DAPK3: variants seen among roughly 807,000 people sequenced by gnomAD.
DAPK3 encodes the protein death associated protein kinase 3, also known as death-associated protein kinase 3.
Under a neutral mutation model 30.6 loss-of-function variants are expected in DAPK3, and 24 were observed. The ratio of observed to expected loss-of-function variants is 0.78; its 90% CI spans 0.57 to 1.10. The LOEUF (loss-of-function observed/expected upper bound fraction) is 1.10, where lower values mean the gene tolerates loss of function less well. Among genes scored for constraint, DAPK3 ranks in the 50% least tolerant of loss-of-function variants. DAPK3 has a pLI of 0.00. For synonymous variants in DAPK3, 341 were observed against 284.0 expected (o/e 1.20, Z -2.02); for missense variants, 629 against 657.3 (o/e 0.96, Z 0.47).
chr19:3,968,555 A>C (rs546372030), intron 2 of DAPK3, among the ~76,000 whole-genome samples: 1 of 152,298 alleles, frequency 6.6e-6, no homozygotes, highest in Non-Finnish European at 1.5e-5. Context: ...ATGTATGTAC[A>C]GTTTTCCAAT....
intron 1 of DAPK3, 156 bp from the exon 2 acceptor site, chr19:3,969,985 G>A (rs1316484511): frequency 3.8e-6 from 2 of 530,040 alleles, no homozygotes; most frequent in Admixed American, 3.5e-5. Flanking sequence ...ACTGGGCTGG[G>A]TCCTGTCATG....
intron 2 of DAPK3, among the ~76,000 whole-genome samples, chr19:3,967,031 T>A (rs545640493): frequency 6.6e-6 from 1 of 152,278 alleles, no homozygotes; most frequent in East Asian, 1.9e-4. Context: ...CAGCAAGCCC[T>A]CCTCAGTGAT....
intron 2 of DAPK3, among the ~76,000 whole-genome samples, chr19:3,966,331 C>CA (rs1431520794): frequency 6.6e-6 from 1 of 152,174 alleles, no homozygotes; most frequent in African/African-American, 2.4e-5. Context: ...CGCTCACTCT[C>CA]AGTCTGTGGG....
intron 6 of DAPK3, among the ~76,000 whole-genome samples, chr19:3,962,379 G>A (rs988291892): frequency 4.6e-5 from 7 of 152,214 alleles, no homozygotes; most frequent in Admixed American, 3.3e-4. Flanking sequence ...GCACTACAGC[G>A]GGCTGGGCCC....
chr19:3,968,702 C>T (rs2039604399), intron 2 of DAPK3, among the ~76,000 whole-genome samples: 1 of 152,158 alleles, frequency 6.6e-6, no homozygotes. Context: ...GCTTTCTCTG[C>T]CACTAACGAG....
In DAPK3 at chr19:3,964,235, G is replaced by A; in HGVS notation, c.553+9C>T. On this transcript the variant is annotated intron_variant, in intron 4 of 8. Transcript: ENST00000545797. Reference sequence around the variant, plus strand: ...CCAGGCCGGGGCTGCCCACTGGGCAGGGCCTCACCCACAAACTCCGGGGTG... The same window carrying A: ...CCAGGCCGGGGCTGCCCACTGGGCAAGGCCTCACCCACAAACTCCGGGGTG... The A allele has an allele frequency of 6.2e-7, 1 of 1,605,158 alleles. No individual in the cohort carries two copies. The highest frequency in any genetic ancestry group is 1.3e-5 in the African/African-American group (1 of 74,854).
rs1429493456 is a variant in DAPK3 at position 3,958,543 on chromosome 19, G to A, written c.*558C>T. ...GCGCGACGATGGGGCTCGCGGAGGA[G>A]TCCGCAGCAGGGCACCCCACACCCG... On this transcript the variant is annotated 3_prime_UTR_variant, in exon 9 of 9. Transcript: ENST00000545797. The A allele has an allele frequency of 2.2e-6, 1 of 456,646 alleles. No homozygotes were observed. The highest frequency in any genetic ancestry group is 2.0e-5 in the African/African-American group (1 of 50,088). The allele number at this position is 456,646 out of a possible 1,614,324, so 28.3% of individuals were successfully genotyped here. A position where few individuals can be genotyped will look rare whatever the true frequency, so the allele number is the denominator to read the frequency against.
At chr19:3,969,490 A>T (rs761103405) in intron 2 of DAPK3, among the ~76,000 whole-genome samples, 184 bp downstream of exon 2, 2 of 152,156 alleles carry the variant, frequency 1.3e-5, no homozygotes, top group Non-Finnish European at 2.9e-5. Flanking sequence ...AGGATTCCCA[A>T]GCAGGAATTC....
At chr19:3,965,464 A>C (rs570527229) in intron 2 of DAPK3, among the ~76,000 whole-genome samples, 1 of 152,236 alleles carries the variant, frequency 6.6e-6, no homozygotes, top group South Asian at 2.1e-4. Context: ...CAAAAATACA[A>C]AAAATTAGCT....
At chr19:3,963,998 A>C (rs1240979532) in intron 4 of DAPK3, 79 bp from the exon 5 acceptor site, 1 of 1,002,364 alleles carries the variant, frequency 1.0e-6, no homozygotes, top group Non-Finnish European at 1.6e-6. Context: ...GCATGGGGTC[A>C]AGGTTCTCAC....
At chr19:3,963,331 G>A (rs537855241) in intron 6 of DAPK3, among the ~76,000 whole-genome samples, 38 of 152,274 alleles carry the variant, frequency 2.5e-4, no homozygotes, top group South Asian at 8.3e-4. Context: ...AAAACCCAGC[G>A]TGGGGTCGGA....
intron 2 of DAPK3, among the ~76,000 whole-genome samples, chr19:3,966,940 C>G (rs757051610): frequency 3.3e-5 from 5 of 152,138 alleles, no homozygotes; most frequent in African/African-American, 7.2e-5. Flanking sequence ...TCTCCCCAGC[C>G]GGGAAAGAAA....
rs1568191908 is a variant in DAPK3 at position 3,963,642 on chromosome 19, CA to C, written c.629del (p.Leu210ProfsTer2). ...MWSIGVITYILLSGASPFLGE... is the reference protein window; with the variant it reads ...MWSIGVITYIXLSGASPFLGE... ...CGAGGGGGCCCCCGCCAGGTACTCACAGGATATAGGTGATGACACCGATGCT... is the reference window on the plus strand; with the variant it reads ...CGAGGGGGCCCCCGCCAGGTACTCACGGATATAGGTGATGACACCGATGCT... On this transcript the variant is annotated frameshift_variant and splice_region_variant, in exon 6 of 9. Coordinates refer to ENST00000545797, the MANE Select transcript of DAPK3 (RefSeq NM_001348.3). LOFTEE classifies it high-confidence loss of function. 1.3e-6 allele frequency: 2 copies of C among 1,525,240 alleles called. No individual in the cohort carries two copies. Among genetic ancestry groups the C allele is most frequent in the Non-Finnish European group, 1.8e-6 (2 of 1,139,842 alleles). The allele number at this position is 1,525,240 out of a possible 1,614,324, so 94.5% of individuals were successfully genotyped here. A position where few individuals can be genotyped will look rare whatever the true frequency, so the allele number is the denominator to read the frequency against.
intron 2 of DAPK3, among the ~76,000 whole-genome samples, chr19:3,966,763 T>C (rs1224064742): frequency 3.3e-5 from 5 of 152,204 alleles, no homozygotes; most frequent in Admixed American, 6.5e-5. Context: ...TGTTTTGCTA[T>C]TGCCAACCAG....
chr19:3,965,398 C>T (rs1019347846), intron 2 of DAPK3, among the ~76,000 whole-genome samples: 1 of 152,210 alleles, frequency 6.6e-6, no homozygotes, highest in Non-Finnish European at 1.5e-5. Flanking sequence ...GGGCAGATAA[C>T]TTGAGCTGAG....
rs2039478945 is a variant in DAPK3 at position 3,959,447 on chromosome 19, C to T, written c.1019G>A (p.Arg340His). ...EEAAAAEEGLRELQRSRRLCH... is the reference protein window; with the variant it reads ...EEAAAAEEGLHELQRSRRLCH... Reference sequence around the variant, plus strand: ...GAGCCGCCGGCTGCGCTGCAGCTCGCGCAGGCCCTCCTCGGCGGCCGCCGC... The same window carrying T: ...GAGCCGCCGGCTGCGCTGCAGCTCGTGCAGGCCCTCCTCGGCGGCCGCCGC... Residue 340 changes from arginine (R) to histidine (H), a missense_variant, in exon 9 of 9, where the codon CGC (arginine) becomes CAC (histidine). Physicochemically the swap from Arg to His is conservative, Grantham distance 29. Transcript: ENST00000545797. 2 of 1,548,408 alleles carry T rather than the reference C, an allele frequency of 1.3e-6. No homozygotes were observed. Among genetic ancestry groups the T allele is most frequent in the African/African-American group, 1.4e-5 (1 of 73,872 alleles).
At position 3,961,397 on chromosome 19, in the gene DAPK3, A is replaced by T. The variant is rs577933210; in HGVS notation, c.630-236T>A. The T allele has an allele frequency of 4.4e-3, 2,938 of 673,418 alleles. 63 individuals are homozygous for T. The African/African-American group carries it at 0.045, about 10-fold the overall frequency. The allele number at this position is 673,418 out of a possible 1,614,324, so 41.7% of individuals were successfully genotyped here. A position where few individuals can be genotyped will look rare whatever the true frequency, so the allele number is the denominator to read the frequency against. On this transcript the variant is annotated intron_variant, in intron 6 of 8. Transcript: ENST00000545797. Reference sequence around the variant, plus strand: ...ACAGCAGCAGAAATGAACAGGCAGAAGTCTCCTTGGAGACTCGAAGTATCT... The same window carrying T: ...ACAGCAGCAGAAATGAACAGGCAGATGTCTCCTTGGAGACTCGAAGTATCT...
At chr19:3,965,021 T>A in intron 2 of DAPK3, 30 bp from the exon 3 acceptor site, 1 of 1,246,234 alleles carries the variant, frequency 8.0e-7, no homozygotes, top group Non-Finnish European at 1.2e-6. Context: ...TGAGTGGGGG[T>A]GGAGGAGGCG....
chr19:3,967,665 G>A (rs747782799), intron 2 of DAPK3, among the ~76,000 whole-genome samples: 28 of 152,234 alleles, frequency 1.8e-4, no homozygotes, highest in Non-Finnish European at 3.8e-4. Context: ...TGAAGCAGGA[G>A]AATCACTTGA....
Sources: allele counts gnomAD v4.1 joint callset (sites outside exome capture counted in the v4.1 genomes callset), GRCh38; gene constraint gnomAD v4.1.1; transcripts MANE v1.5; gene names NCBI Gene and HGNC (gene_info 2026-07-23, HGNC 2026-07-21).